The following PTN variants were observed in gnomAD, a reference collection of about 807,000 sequenced individuals.
PTN encodes heparin affin regulatory protein.
A neutral mutation model predicts 24.1 loss-of-function variants in PTN; 18 were observed. The ratio of observed to expected loss-of-function variants is 0.75; its 90% confidence interval spans 0.52 to 1.11. The LOEUF (loss-of-function observed/expected upper bound fraction) is 1.11. Ranked by LOEUF, PTN falls within the 50% of genes least tolerant of loss-of-function variation. PTN has a pLI of 0.00. For missense variants in PTN, 163 were observed against 198.8 expected, an observed-to-expected ratio of 0.82 and a Z score of 1.08; for synonymous variants, 78 against 68.6, an observed-to-expected ratio of 1.14 and a Z score of -0.67.
chr7:137,261,145 C>T (rs1183597609), intron 1 of PTN, among the ~76,000 whole-genome samples: 1 of 151,958 alleles, frequency 6.6e-6, no homozygotes, highest in Non-Finnish European at 1.5e-5. Context: ...TAAGCCATCA[C>T]ATTCTTTTTA....
At chr7:137,298,780 G>A (rs2128878211) in intron 1 of PTN, among the ~76,000 whole-genome samples, 1 of 152,098 alleles carries the variant, frequency 6.6e-6, no homozygotes, top group East Asian at 1.9e-4. Context: ...TTCAAAAACA[G>A]TAACTGTTTT....
At chr7:137,245,928 G>C (rs1808715804) in intron 4 of PTN, among the ~76,000 whole-genome samples, 2 of 152,204 alleles carry the variant, frequency 1.3e-5, no homozygotes, top group African/African-American at 4.8e-5. Context: ...AGAGTCAAAA[G>C]TTAAAATAAA....
At chr7:137,331,978 G>A (rs183592401) in intron 1 of PTN, among the ~76,000 whole-genome samples, 63 of 152,226 alleles carry the variant, frequency 4.1e-4, no homozygotes, top group Non-Finnish European at 5.7e-4. Context: ...CCCAGTGCTG[G>A]CTCTTTTATG....
chr7:137,280,908 A>T (rs1376616269), intron 1 of PTN, among the ~76,000 whole-genome samples: 1 of 151,506 alleles, frequency 6.6e-6, no homozygotes, highest in East Asian at 1.9e-4. Context: ...CAAAAAAATA[A>T]GAATGAAGAC....
intron 1 of PTN, among the ~76,000 whole-genome samples, chr7:137,256,623 C>A (rs322318): frequency 0.11 from 16,626 of 152,096 alleles, 994 homozygotes; most frequent in African/African-American, 0.15. Flanking sequence ...TGCAATAAAC[C>A]TATGTGTGCC....
At chr7:137,245,000 T>C (rs1808698771) in intron 4 of PTN, among the ~76,000 whole-genome samples, 1 of 152,190 alleles carries the variant, frequency 6.6e-6, no homozygotes, top group South Asian at 2.1e-4. Flanking sequence ...AAAGACATTC[T>C]CCAGCCTTTC....
chr7:137,295,297 T>G (rs1809702421), intron 1 of PTN, among the ~76,000 whole-genome samples: 1 of 152,186 alleles, frequency 6.6e-6, no homozygotes, highest in African/African-American at 2.4e-5. Context: ...TTCTTTTTTA[T>G]TGCTTGGACT....
intron 1 of PTN, among the ~76,000 whole-genome samples, chr7:137,339,526 A>G (rs1274954979): frequency 6.7e-6 from 1 of 149,734 alleles, no homozygotes; most frequent in Non-Finnish European, 1.5e-5. Context: ...TCAACATTGC[A>G]GTGATGAAAA....
intron 1 of PTN, among the ~76,000 whole-genome samples, chr7:137,296,027 A>G (rs1007306129): frequency 6.6e-5 from 10 of 152,062 alleles, no homozygotes. Context: ...CCACGGAGAG[A>G]CAGTAGAGTT....
chr7:137,321,630 GT>G (rs1206745817), intron 1 of PTN, among the ~76,000 whole-genome samples: 4 of 152,114 alleles, frequency 2.6e-5, no homozygotes, highest in East Asian at 3.9e-4. Context: ...CTTTTCTTCT[GT>G]TTAATCACTA....
chr7:137,308,232 C>T (rs1809921239), intron 1 of PTN, among the ~76,000 whole-genome samples: 1 of 152,088 alleles, frequency 6.6e-6, no homozygotes, highest in African/African-American at 2.4e-5. Flanking sequence ...ACTCAAAAGT[C>T]ATGAATTTTA....
chr7:137,271,547 A>G (rs1809275460), intron 1 of PTN, among the ~76,000 whole-genome samples: 1 of 152,246 alleles, frequency 6.6e-6, no homozygotes, highest in Admixed American at 6.5e-5. Context: ...TCTTTATAAT[A>G]TAACTGTGAT....
rs189764398 is a variant in PTN at position 137,263,568 on chromosome 7, T to C, written c.-1-8594A>G. Among the ~76,000 whole-genome samples the C allele has an allele frequency of 1.7e-3, 252 of 152,314 alleles. 1 individual carries two copies. The highest frequency in any genetic ancestry group is 5.8e-3 in the African/African-American group (243 of 41,568). ...CAACCATATGATTCAGTTGAGCATG[T>C]AAATGGGGGTCTGGTATCCCCATGA... On this transcript the variant is annotated intron_variant, in intron 1 of 4. Coordinates refer to ENST00000348225, the MANE Select transcript of PTN (RefSeq NM_002825.7).
chr7:137,290,567 A>C (rs1809624067), intron 1 of PTN, among the ~76,000 whole-genome samples: 1 of 152,204 alleles, frequency 6.6e-6, no homozygotes, highest in African/African-American at 2.4e-5. Flanking sequence ...TAGAGTGTCC[A>C]ATGTATTACC....
chr7:137,329,191 T>G (rs754974292), intron 1 of PTN, among the ~76,000 whole-genome samples: 2 of 152,214 alleles, frequency 1.3e-5, no homozygotes, highest in Admixed American at 6.5e-5. Flanking sequence ...AGTATTGAAC[T>G]GTCCACTGTA....
chr7:137,283,074 T>A (rs1371810676), intron 1 of PTN, among the ~76,000 whole-genome samples: 2 of 152,020 alleles, frequency 1.3e-5, no homozygotes, highest in Admixed American at 1.3e-4. Context: ...CACTCCCACC[T>A]CCACTCCACA....
intron 4 of PTN, among the ~76,000 whole-genome samples, chr7:137,228,751 C>T (rs1204389760): frequency 2.0e-5 from 3 of 151,892 alleles, no homozygotes; most frequent in Non-Finnish European, 2.9e-5. Context: ...AATCAAAAGA[C>T]TCCATTCTTT....
chr7:137,268,568 G>C (rs1199308067), intron 1 of PTN, among the ~76,000 whole-genome samples: 1 of 152,160 alleles, frequency 6.6e-6, no homozygotes, highest in East Asian at 1.9e-4. Flanking sequence ...TGTGAGCACC[G>C]ATGGTCAGAG....
intron 4 of PTN, among the ~76,000 whole-genome samples, chr7:137,249,403 G>A (rs1161997021): frequency 6.6e-6 from 1 of 151,862 alleles, no homozygotes; most frequent in Non-Finnish European, 1.5e-5. Context: ...CTTCTGAGAT[G>A]CATTCACAAT....
Sources: gnomAD v4.1 joint callset for allele counts (sites outside exome capture counted in the v4.1 genomes callset) on GRCh38, gnomAD v4.1.1 for gene constraint, MANE v1.5 for transcripts, NCBI Gene and HGNC (gene_info 2026-07-23, HGNC 2026-07-21) for gene names.